KANK1: variants seen among roughly 807,000 people sequenced by gnomAD.
KANK1 encodes the protein KN motif and ankyrin repeat domain-containing protein 1.
A neutral mutation model predicts 106.2 loss-of-function variants in KANK1; 109 were observed. The observed-to-expected ratio is 1.03, with a 90% CI of 0.88 to 1.20. The LOEUF (loss-of-function observed/expected upper bound fraction) is 1.20, where lower values mean the gene tolerates loss of function less well. Among genes scored for constraint, KANK1 ranks in the 50% most tolerant of loss-of-function variants. The probability of loss-of-function intolerance (pLI) is 0.00; values close to 1 mark genes in which losing one functional copy is unlikely to be tolerated. For missense variants in KANK1, 2,399 were observed against 1,710.7 expected (o/e 1.40, Z -7.10); for synonymous variants, 873 against 652.2 (o/e 1.34, Z -5.16).
intron 1 of KANK1, among the ~76,000 whole-genome samples, chr9:612,389 C>G (rs903387916): frequency 4.6e-5 from 7 of 152,106 alleles, no homozygotes; most frequent in African/African-American, 1.7e-4. Flanking sequence ...GAATGTAGTT[C>G]AACAGTATGT....
chr9:736,021 G>C (rs187601170), intron 7 of KANK1, among the ~76,000 whole-genome samples: 93 of 152,234 alleles, frequency 6.1e-4, no homozygotes, highest in African/African-American at 2.1e-3. Flanking sequence ...GCAGTGGCGT[G>C]ATCTCGGCTC....
chr9:517,987 C>G (rs1372132117), intron 1 of KANK1, among the ~76,000 whole-genome samples: 3 of 151,582 alleles, frequency 2.0e-5, no homozygotes, highest in East Asian at 1.9e-4. Context: ...ATCCACCTGC[C>G]TCAGCCTTCC....
intron 1 of KANK1, among the ~76,000 whole-genome samples, chr9:508,974 C>T (rs535046373): frequency 2.0e-5 from 3 of 152,160 alleles, no homozygotes; most frequent in South Asian, 4.1e-4. Flanking sequence ...TACAGTCATG[C>T]GGATTTCTGA....
chr9:695,422 C>G (rs1588979395), intron 2 of KANK1, among the ~76,000 whole-genome samples: 1 of 151,882 alleles, frequency 6.6e-6, no homozygotes, highest in Non-Finnish European at 1.5e-5. Flanking sequence ...CTGGGACTCC[C>G]CCTTATCTAA....
At position 669,988 on chromosome 9, in the gene KANK1, C is replaced by T. The variant is rs369369404; in HGVS notation, c.-83-6902C>T. ...CTGTCTTTGGGCTGACTGATTCTTT[C>T]CTCTGCTTGATGCATTCTGCTGTTG... On this transcript the variant is annotated intron_variant, in intron 1 of 11. Coordinates refer to ENST00000382297, the MANE Select transcript of KANK1 (RefSeq NM_015158.5). Among the ~76,000 whole-genome samples, 65 of 152,228 alleles carry T rather than the reference C, an allele frequency of 4.3e-4. No homozygotes were observed. In the South Asian group the frequency reaches 0.012, roughly 29 times the overall value.
At chr9:614,587 C>A (rs779698835) in intron 1 of KANK1, among the ~76,000 whole-genome samples, 1 of 152,028 alleles carries the variant, frequency 6.6e-6, no homozygotes, top group Non-Finnish European at 1.5e-5. Context: ...GTCTCGTGTG[C>A]GGCAGGGTAT....
At chr9:637,050 T>C (rs1029306341) in intron 1 of KANK1, among the ~76,000 whole-genome samples, 3 of 152,344 alleles carry the variant, frequency 2.0e-5, no homozygotes, top group Non-Finnish European at 4.4e-5. Flanking sequence ...CATCCAGTTA[T>C]GTGCCCCTTC....
chr9:522,533 G>A (rs1201345271), intron 1 of KANK1, among the ~76,000 whole-genome samples: 1 of 151,576 alleles, frequency 6.6e-6, no homozygotes, highest in Non-Finnish European at 1.5e-5. Context: ...CATTCTTTTT[G>A]AGCCCTTTTG....
At chr9:700,157 C>G (rs529925383) in intron 2 of KANK1, among the ~76,000 whole-genome samples, 8 of 152,296 alleles carry the variant, frequency 5.3e-5, no homozygotes, top group African/African-American at 1.4e-4. Flanking sequence ...CGGGTTTTAT[C>G]TGGGAGGGAA....
intron 1 of KANK1, among the ~76,000 whole-genome samples, chr9:520,303 C>T (rs2059487504): frequency 6.6e-6 from 1 of 151,742 alleles, no homozygotes; most frequent in African/African-American, 2.4e-5. Context: ...CATACCACTG[C>T]ACTCCAGCCT....
rs531554717 is a variant in KANK1 at position 478,750 on chromosome 9, A to G, written c.-362+5477A>G. 5.9e-5 allele frequency among the ~76,000 whole-genome samples: 9 copies of G among 152,322 alleles called. No individual in the cohort carries two copies. In the East Asian group the frequency reaches 1.7e-3, roughly 29 times the overall value. On this transcript the variant is annotated intron_variant, in intron 3 of 15. Transcript: ENST00000382303. Reference sequence around the variant, plus strand: ...CTTCCATATCCAAAGAGTCTAAAATACAGTTAGTGATGAATGTGGATGTGG... The same window carrying G: ...CTTCCATATCCAAAGAGTCTAAAATGCAGTTAGTGATGAATGTGGATGTGG...
chr9:667,607 T>C (rs548925759), intron 1 of KANK1, among the ~76,000 whole-genome samples: 4 of 152,122 alleles, frequency 2.6e-5, no homozygotes, highest in South Asian at 4.1e-4. Context: ...TCCCATAGAT[T>C]TGGATATGTT....
chr9:640,478 A>G (rs1319378575), intron 1 of KANK1, among the ~76,000 whole-genome samples: 2 of 150,580 alleles, frequency 1.3e-5, no homozygotes, highest in African/African-American at 4.9e-5. Context: ...GATTACTGCA[A>G]CCTCCGCCTC....
intron 1 of KANK1, among the ~76,000 whole-genome samples, chr9:589,189 C>A (rs1474802472): frequency 6.6e-6 from 1 of 152,210 alleles, no homozygotes; most frequent in Non-Finnish European, 1.5e-5. Context: ...ATCCTCACAA[C>A]ACAGCTGTGA....
chr9:560,902 G>A, intron 1 of KANK1, among the ~76,000 whole-genome samples: 1 of 152,198 alleles, frequency 6.6e-6, no homozygotes, highest in East Asian at 1.9e-4. Context: ...GGGAGACCTG[G>A]ATCAGTAGCA....
intron 1 of KANK1, among the ~76,000 whole-genome samples, chr9:570,312 G>C (rs1818852774): frequency 1.3e-5 from 2 of 152,208 alleles, no homozygotes; most frequent in Admixed American, 1.3e-4. Flanking sequence ...GCCCCGAATA[G>C]AAAGCCTTGA....
intron 3 of KANK1, 82 bp from the exon 4 acceptor site, chr9:729,969 T>C (rs1346054141): frequency 1.2e-5 from 14 of 1,197,888 alleles, no homozygotes; most frequent in Non-Finnish European, 1.6e-5. Context: ...TTTTAAATTA[T>C]GAGTGGCAAG....
At chr9:563,437 A>C (rs1817004746) in intron 1 of KANK1, among the ~76,000 whole-genome samples, 2 of 152,208 alleles carry the variant, frequency 1.3e-5, no homozygotes, top group African/African-American at 2.4e-5. Context: ...CTTGAGAATA[A>C]ACATGCTGTT....
chr9:583,779 G>A (rs1052054024), intron 1 of KANK1, among the ~76,000 whole-genome samples: 15 of 151,510 alleles, frequency 9.9e-5, no homozygotes, highest in African/African-American at 3.6e-4. Flanking sequence ...TTGGATATAT[G>A]AAAAGGTATT....
Sources: allele counts gnomAD v4.1 joint callset (sites outside exome capture counted in the v4.1 genomes callset), GRCh38; gene constraint gnomAD v4.1.1; transcripts MANE v1.5; gene names NCBI Gene and HGNC (gene_info 2026-07-23, HGNC 2026-07-21).